Variants in NFYB observed in about 807,000 individuals in gnomAD.
The protein encoded by NFYB is CAAT box DNA-binding protein subunit B.
NFYB carries 13 observed loss-of-function variants against 28.0 expected under a neutral mutation model. That is an observed-to-expected ratio of 0.46 (90% confidence interval 0.30 to 0.74). The LOEUF is 0.74. Ranked by LOEUF, NFYB falls within the 30% of genes least tolerant of loss-of-function variation. NFYB has a pLI of 0.07. For missense variants in NFYB, 142 were observed against 247.6 expected (o/e 0.57, Z 2.86); for synonymous variants, 74 against 75.0 (o/e 0.99, Z 0.07).
intron 1 of NFYB, among the ~76,000 whole-genome samples, chr12:104,136,422 T>C (rs2031102203): frequency 6.6e-6 from 1 of 152,188 alleles, no homozygotes; most frequent in Non-Finnish European, 1.5e-5. Context: ...TTGAAAGTTT[T>C]TAATGCCACT....
At chr12:104,135,603 G>T in intron 1 of NFYB, 71 bp from the exon 2 acceptor site, 1 of 571,138 alleles carries the variant, frequency 1.8e-6, no homozygotes, top group Non-Finnish European at 2.9e-6. Context: ...ATCACTTATA[G>T]GCTTTTTTTC....
Position 104,127,590 on chromosome 12 carries a change from A to T in NFYB, c.100+834T>A, listed in dbSNP as rs541554553. ...CTCAAAAAAAATAAAAAATAAAAAA[A>T]AAAAAAAAATTTTTTTTACAAACCA... On this transcript the variant is annotated intron_variant, in intron 3 of 7. Transcript: ENST00000240055. 7.8e-3 allele frequency among the ~76,000 whole-genome samples: 1,176 copies of T among 150,032 alleles called. 10 individuals carry two copies. Among genetic ancestry groups the T allele is most frequent in the African/African-American group, 0.024 (975 of 41,012 alleles).
At chr12:104,135,075 C>A (rs1426972165) in intron 2 of NFYB, among the ~76,000 whole-genome samples, 1 of 152,208 alleles carries the variant, frequency 6.6e-6, no homozygotes. Context: ...TGCAGGATCC[C>A]TCTGTGACAT....
intron 2 of NFYB, among the ~76,000 whole-genome samples, chr12:104,130,197 T>C (rs1313586500): frequency 6.6e-6 from 1 of 152,214 alleles, no homozygotes; most frequent in African/African-American, 2.4e-5. Flanking sequence ...GTGTAATTCA[T>C]ACATACTTTC....
intron 3 of NFYB, among the ~76,000 whole-genome samples, chr12:104,127,585 A>T (rs2030763103): frequency 9.3e-6 from 1 of 107,432 alleles, no homozygotes; most frequent in Non-Finnish European, 2.0e-5. Context: ...ATAAAAAATA[A>T]AAAAAAAAAA....
intron 4 of NFYB, among the ~76,000 whole-genome samples, chr12:104,125,796 G>A (rs142573288): frequency 0.019 from 2,722 of 146,706 alleles, 34 homozygotes; most frequent in Middle Eastern, 0.073. Context: ...TGCAGTGAGC[G>A]GAGATTGTAC....
intron 2 of NFYB, among the ~76,000 whole-genome samples, chr12:104,133,643 G>GC (rs934064236): frequency 6.6e-6 from 1 of 152,104 alleles, no homozygotes; most frequent in Non-Finnish European, 1.5e-5. Flanking sequence ...TCTTAGTATT[G>GC]CCCCCTCAAA....
Position 104,120,475 on chromosome 12 carries a change from G to C in NFYB, c.516C>G (p.Asn172Lys), listed in dbSNP as rs1354216863. The change falls in exon 7 of 8, where the codon AAC (asparagine) becomes AAG (lysine). Residue 172 changes from asparagine to lysine, a missense_variant. By Grantham distance (94) the Asn-to-Lys change is moderately conservative. Transcript: ENST00000240055. ...TGGTTATTAAGCCAGCTGGTAACTG[G>C]TTAGCTAAAAGAAAAAAAATTAGTT... ...SEELTEEAFT[N>K]QLPAGLITTD... 1.2e-6 allele frequency: 2 copies of C among 1,613,146 alleles called. No individual in the cohort carries two copies. The highest frequency in any genetic ancestry group is 3.3e-5 in the Admixed American group (2 of 60,004).
chr12:104,135,494 C>A lies in NFYB; in HGVS notation c.-41G>T. The A allele has an allele frequency of 1.3e-6, 2 of 1,554,500 alleles. No homozygotes were observed. Among genetic ancestry groups the A allele is most frequent in the South Asian group, 1.2e-5 (1 of 81,340 alleles). On this transcript the variant is annotated 5_prime_UTR_variant, in exon 2 of 8. Coordinates refer to ENST00000240055, the MANE Select transcript of NFYB (RefSeq NM_006166.4). ...CCGTGTTGTCAGTGGTGCTGAAGAA[C>A]ACCTATCTAAAAAGGTGTCTAATCT...
intron 1 of NFYB, among the ~76,000 whole-genome samples, chr12:104,136,717 A>T (rs564253212): frequency 3.3e-5 from 5 of 152,214 alleles, no homozygotes; most frequent in African/African-American, 9.6e-5. Context: ...TAGTTGATTC[A>T]GTATATATTT....
At position 104,121,232 on chromosome 12, in the gene NFYB, A is replaced by G. The variant is rs763195836; in HGVS notation, c.511+8T>C. 4.4e-6 allele frequency: 7 copies of G among 1,603,352 alleles called. No individual in the cohort carries two copies. Among genetic ancestry groups the G allele is most frequent in the South Asian group, 1.1e-5 (1 of 90,722 alleles). On this transcript the variant is annotated splice_region_variant and intron_variant, in intron 6 of 7. Coordinates refer to ENST00000240055, the MANE Select transcript of NFYB (RefSeq NM_006166.4). ...AATCTACATGACTTGTATTATAACAATGCTTACTAAATGCCTCCTCTGTAA... is the reference window on the plus strand; with the variant it reads ...AATCTACATGACTTGTATTATAACAGTGCTTACTAAATGCCTCCTCTGTAA...
chr12:104,119,864 TAAC>T (rs1399551214), intron 7 of NFYB, 95 bp from the exon 8 acceptor site: 3 of 752,894 alleles, frequency 4.0e-6, no homozygotes, highest in East Asian at 2.6e-5. Flanking sequence ...AAAAAGACAA[TAAC>T]AAGTCTAATT....
intron 4 of NFYB, 99 bp from the exon 5 acceptor site, chr12:104,123,522 T>G: frequency 1.2e-6 from 1 of 845,624 alleles, no homozygotes; most frequent in Non-Finnish European, 1.9e-6. Flanking sequence ...CATCTTCACT[T>G]TATGACTATT....
intron 5 of NFYB, among the ~76,000 whole-genome samples, chr12:104,122,543 C>T (rs902599640): frequency 1.3e-5 from 2 of 152,170 alleles, no homozygotes; most frequent in African/African-American, 4.8e-5. Context: ...GATCAGCGGC[C>T]ACGTGAGATT....
intron 1 of NFYB, among the ~76,000 whole-genome samples, chr12:104,136,856 T>C (rs550043090): frequency 6.6e-6 from 1 of 152,362 alleles, no homozygotes; most frequent in South Asian, 2.1e-4. Context: ...TGCAAATTTG[T>C]ATCCAAGAAA....
intron 4 of NFYB, 89 bp from the exon 5 acceptor site, chr12:104,123,512 C>T (rs1205565611): frequency 6.2e-6 from 6 of 960,886 alleles, no homozygotes; most frequent in Non-Finnish European, 9.6e-6. Context: ...CAGAAGAACA[C>T]ATCTTCACTT....
intron 5 of NFYB, 24 bp from the exon 6 acceptor site, chr12:104,121,345 C>A: frequency 6.4e-7 from 1 of 1,552,016 alleles, no homozygotes; most frequent in South Asian, 1.1e-5. Context: ...AAAAAAAAGT[C>A]ACTGATATTC....
chr12:104,128,859 G>T (rs998481903), intron 2 of NFYB, among the ~76,000 whole-genome samples: 1 of 151,800 alleles, frequency 6.6e-6, no homozygotes, highest in Admixed American at 6.6e-5. Flanking sequence ...GCAGAGACAG[G>T]GTTTTGCTAT....
rs2031069920 is a variant in NFYB at position 104,135,524 on chromosome 12, G to A, written c.-71C>T. On this transcript the variant is annotated 5_prime_UTR_variant, in exon 2 of 8. Transcript: ENST00000240055. ...ATCTAAAAAGGTGTCTAATCTTTGT[G>A]ATTTCAACCTAAAAGATAAACATCT... 1.4e-6 allele frequency: 2 copies of A among 1,382,508 alleles called. No individual in the cohort carries two copies. The highest frequency in any genetic ancestry group is 2.6e-5 in the East Asian group (1 of 39,164). The allele number at this position is 1,382,508 out of a possible 1,614,324, so 85.6% of individuals were successfully genotyped here.
Sources: allele counts gnomAD v4.1 joint callset (sites outside exome capture counted in the v4.1 genomes callset), GRCh38; gene constraint gnomAD v4.1.1; transcripts MANE v1.5; gene names NCBI Gene and HGNC (gene_info 2026-07-23, HGNC 2026-07-21).